The following PALB2 variants were observed in gnomAD, a reference collection of about 807,000 sequenced individuals.
PALB2 encodes the protein partner and localizer of BRCA2.
Under a neutral mutation model 107.4 loss-of-function variants are expected in PALB2, and 82 were observed. The observed-to-expected ratio is 0.76, with a 90% confidence interval of 0.64 to 0.92. The LOEUF (loss-of-function observed/expected upper bound fraction) is 0.92. PALB2 is among the 40% of genes least tolerant of loss of function. The pLI, the probability that PALB2 is intolerant of heterozygous loss-of-function variation, is 0.00. For missense variants in PALB2, 1,374 were observed against 1,379.9 expected (o/e 1.00, Z 0.07); for synonymous variants, 489 against 496.8 (o/e 0.98, Z 0.21).
rs730881865 is a variant in PALB2 at position 23,630,229 on chromosome 16, AT to A, written c.1924del (p.Met642CysfsTer18). 6.2e-7 allele frequency: 1 copy of A among 1,614,156 alleles called. No individual in the cohort carries two copies. The highest frequency in any genetic ancestry group is 1.7e-5 in the Admixed American group (1 of 60,016). On this transcript the variant is annotated frameshift_variant, in exon 5 of 13. Coordinates refer to ENST00000261584, the MANE Select transcript of PALB2 (RefSeq NM_024675.4). LOFTEE classifies it high-confidence loss of function. ...EKPVEPFESKMFGERHLKEGS... is the reference protein window; with the variant it reads ...EKPVEPFESKXFGERHLKEGS... ...CTCTTTAAGATGTCTCTCTCCAAAC[AT>A]TTTTGACTCAAAGGGCTCCACTGGT... is the stretch of plus-strand genomic sequence containing the variant.
chr16:23,632,133 A>T (rs1343707044), intron 4 of PALB2, among the ~76,000 whole-genome samples: 1 of 152,244 alleles, frequency 6.6e-6, no homozygotes, highest in East Asian at 1.9e-4. Flanking sequence ...TTACAACAGA[A>T]ACATACCTTA....
intron 9 of PALB2, 57 bp downstream of exon 9, chr16:23,622,912 C>T (rs1357147633): frequency 1.2e-6 from 2 of 1,602,576 alleles, no homozygotes; most frequent in African/African-American, 2.7e-5. Context: ...TTCTCTGAAA[C>T]CTGTGATAAA....
intron 8 of PALB2, among the ~76,000 whole-genome samples, chr16:23,623,515 T>C (rs933063553): frequency 3.0e-5 from 4 of 135,108 alleles, no homozygotes; most frequent in Non-Finnish European, 6.3e-5. Context: ...TTTTTTTTTT[T>C]TTTTTTTTTT....
intron 11 of PALB2, among the ~76,000 whole-genome samples, chr16:23,609,717 T>C (rs970139384): frequency 7.9e-5 from 12 of 152,208 alleles, no homozygotes; most frequent in East Asian, 3.9e-4. Flanking sequence ...GGGGTTTCAC[T>C]GTGTTAGCCA....
chr16:23,606,739 G>A (rs1567206369), intron 12 of PALB2, among the ~76,000 whole-genome samples: 1 of 151,652 alleles, frequency 6.6e-6, no homozygotes, highest in East Asian at 1.9e-4. Flanking sequence ...TGGTCAGGCT[G>A]GTCTCGAACT....
In PALB2 at chr16:23,635,026, G is replaced by A. The variant is rs2142413640; in HGVS notation, c.1520C>T (p.Ala507Val). The change falls in exon 4 of 13, where the codon GCA becomes GTA. Residue 507 changes from alanine to valine, a missense_variant. Ala to Val is a moderately conservative substitution (Grantham distance 64). Coordinates refer to ENST00000261584, the MANE Select transcript of PALB2 (RefSeq NM_024675.4). ...TTTTCCTGTGTATCTTCTACCAGGT[G>A]CTTGGGCAACTGCCTTCCTAGACAA... ...NDLSRKAVAQ[A>V]PGRRYTGKRK... is the part of the protein sequence containing the mutation. The A allele has an allele frequency of 6.2e-7, 1 of 1,614,168 alleles. No homozygotes were observed. Among genetic ancestry groups the A allele is most frequent in the South Asian group, 1.1e-5 (1 of 91,080 alleles).
chr16:23,628,290 T>C (rs767780970), intron 6 of PALB2, among the ~76,000 whole-genome samples: 7 of 152,184 alleles, frequency 4.6e-5, no homozygotes, highest in Non-Finnish European at 8.8e-5. Context: ...AGAGCATAGG[T>C]ATTACTATGC....
At chr16:23,622,907 T>C in intron 9 of PALB2, 62 bp downstream of exon 9, 4 of 1,600,692 alleles carry the variant, frequency 2.5e-6, no homozygotes, top group Non-Finnish European at 3.4e-6. Flanking sequence ...CAACTTTCTC[T>C]GAAACCTGTG....
intron 10 of PALB2, among the ~76,000 whole-genome samples, chr16:23,618,817 C>A (rs1966726059): frequency 6.6e-6 from 1 of 152,166 alleles, no homozygotes; most frequent in Non-Finnish European, 1.5e-5. Context: ...AAGACAACTT[C>A]TGGAAGAGCA....
intron 6 of PALB2, among the ~76,000 whole-genome samples, chr16:23,627,064 C>G (rs1230506672): frequency 1.3e-5 from 2 of 152,116 alleles, no homozygotes; most frequent in South Asian, 2.1e-4. Flanking sequence ...AATGTTATTC[C>G]TCGGAGGGAG....
rs730881886 is a variant in PALB2, at chr16:23,630,048, T to C, written c.2106A>G (p.Ile702Met). ...CCGTATTTAAAGGAGTATAAAGTAA[T>C]ATGGATGAAGAAAGGCCCGTCTTTG... Reference protein sequence around the residue: ...QHTKTGLSSSILLYTPLNTVA... With the variant: ...QHTKTGLSSSMLLYTPLNTVA... Residue 702 changes from isoleucine (I) to methionine (M), a missense_variant, in exon 5 of 13, where the codon ATA (isoleucine) becomes ATG (methionine). Coordinates refer to ENST00000261584, the MANE Select transcript of PALB2 (RefSeq NM_024675.4). 2.5e-5 allele frequency: 41 copies of C among 1,613,974 alleles called. No homozygotes were observed. Among genetic ancestry groups the C allele is most frequent in the Non-Finnish European group, 3.4e-5 (40 of 1,180,024 alleles).
At chr16:23,614,372 G>A (rs1439814349) in intron 10 of PALB2, among the ~76,000 whole-genome samples, 3 of 152,066 alleles carry the variant, frequency 2.0e-5, no homozygotes, top group Non-Finnish European at 4.4e-5. Context: ...ATTCAACCTG[G>A]TATTGAAATC....
chr16:23,608,794 A>G (rs866622111), intron 11 of PALB2, among the ~76,000 whole-genome samples: 6 of 140,708 alleles, frequency 4.3e-5, no homozygotes, highest in East Asian at 4.2e-4. Context: ...GTATGTGTGT[A>G]TATATATACA....
rs1966877615 is a variant in PALB2 at position 23,631,502 on chromosome 16, C to T, written c.1685-1033G>A. Among the ~76,000 whole-genome samples the T allele has an allele frequency of 2.0e-5, 3 of 151,542 alleles. No homozygotes were observed. In the South Asian group the frequency reaches 6.2e-4, roughly 32 times the overall value. On this transcript the variant is annotated intron_variant, in intron 4 of 12. Coordinates refer to ENST00000261584, the MANE Select transcript of PALB2 (RefSeq NM_024675.4). ...AATAAATAAATAAAACCAAACCAAA[C>T]AAAACAGTGTATGGCCAACAGTATA...
At chr16:23,623,687 T>G (rs544416756) in intron 8 of PALB2, among the ~76,000 whole-genome samples, 1 of 151,534 alleles carries the variant, frequency 6.6e-6, no homozygotes, top group South Asian at 2.1e-4. Flanking sequence ...CCAGGCTAAT[T>G]TTTGTATTTT....
rs751176316 is a variant in PALB2 at position 23,637,866 on chromosome 16, C to T, written c.195G>A (p.Pro65=). The T allele has an allele frequency of 4.5e-5, 72 of 1,611,972 alleles. No individual in the cohort carries two copies. The highest frequency in any genetic ancestry group is 5.6e-5 in the Non-Finnish European group (66 of 1,178,226). Residue 65 remains proline, a synonymous_variant, in exon 3 of 13, where the codon CCG becomes CCA. Transcript: ENST00000261584. Reference sequence around the variant, plus strand: ...TAGATTTACCTGAGTGTTTTAGCTGCGGTGAGAGATCCTGCTGAGACAAAC... The same window carrying T: ...TAGATTTACCTGAGTGTTTTAGCTGTGGTGAGAGATCCTGCTGAGACAAAC... ...QDCLSQQDLS[P]QLKHSEPKNK...
intron 11 of PALB2, 43 bp downstream of exon 11, chr16:23,613,961 C>A (rs953314108): frequency 7.0e-7 from 1 of 1,421,034 alleles, no homozygotes; most frequent in Admixed American, 1.7e-5. Flanking sequence ...CTTAATGAGA[C>A]CAACAGTAAC....
intron 10 of PALB2, 29 bp downstream of exon 10, chr16:23,621,333 G>A (rs759600950): frequency 4.3e-6 from 6 of 1,404,826 alleles, no homozygotes; most frequent in South Asian, 1.2e-5. Flanking sequence ...TACAGATGAG[G>A]GAACTGAGGA....
rs876660538 is a variant in PALB2, at chr16:23,641,119, C to G, written c.39G>C (p.Glu13Asp). ...CCCGCACCCCCGGCACCTTTTCCTT[C>G]TCCTCACAGCTGAGGGGCTTCCCGG... ...EPPGKPLSCE[E>D]KEKLKEKLAF... Residue 13 changes from glutamate to aspartate, a missense_variant, in exon 1 of 13, where the codon GAG becomes GAC. Physicochemically the swap from Glu to Asp is conservative, Grantham distance 45. Transcript: ENST00000261584. 1 of 1,613,484 alleles carries G rather than the reference C, an allele frequency of 6.2e-7. No individual in the cohort carries two copies. The highest frequency in any genetic ancestry group is 8.5e-7 in the Non-Finnish European group (1 of 1,179,876).
Sources: gnomAD v4.1 joint callset for allele counts (sites outside exome capture counted in the v4.1 genomes callset) on GRCh38, gnomAD v4.1.1 for gene constraint, MANE v1.5 for transcripts, NCBI Gene and HGNC (gene_info 2026-07-23, HGNC 2026-07-21) for gene names.